The following MIOS variants were observed in gnomAD, a reference collection of about 807,000 sequenced individuals.
MIOS encodes the protein GATOR2 complex protein MIOS.
A neutral mutation model predicts 96.9 loss-of-function variants in MIOS; 52 were observed. The ratio of observed to expected loss-of-function variants is 0.54; its 90% CI spans 0.43 to 0.68. The LOEUF is 0.68. Ranked by LOEUF, MIOS falls within the 30% of genes least tolerant of loss-of-function variation. The pLI is 0.00. For synonymous variants in MIOS, 397 were observed against 359.5 expected, an observed-to-expected ratio of 1.10 and a Z score of -1.18; for missense variants, 1,005 against 1,052.8, an observed-to-expected ratio of 0.95 and a Z score of 0.63.
Position 7,597,513 on chromosome 7 carries a change from T to TAA in MIOS, c.2401+1053_2401+1054insAA, listed in dbSNP as rs1367820948. On this transcript the variant is annotated intron_variant, in intron 11 of 12. Coordinates refer to ENST00000340080, the MANE Select transcript of MIOS (RefSeq NM_019005.4). ...ATATATATATATATATATATATATA[T>TAA]ATATGAAGGCAATACGTAATGTTTT... Among the ~76,000 whole-genome samples, 8 of 26,636 alleles carry TAA rather than the reference T, an allele frequency of 3.0e-4. 2 individuals carry two copies. The highest frequency in any genetic ancestry group is 2.7e-3 in the East Asian group (2 of 748). The allele number at this position is 26,636 out of a possible 152,430, so 17.5% of individuals were successfully genotyped here. A position where few individuals can be genotyped will look rare whatever the true frequency, so the allele number is the denominator to read the frequency against.
In MIOS at chr7:7,589,468, T is replaced by G; in HGVS notation, c.1948T>G (p.Leu650Val). 1 of 1,613,724 alleles carries G rather than the reference T, an allele frequency of 6.2e-7. No individual in the cohort carries two copies. The highest frequency in any genetic ancestry group is 8.5e-7 in the Non-Finnish European group (1 of 1,179,760). The change falls in exon 9 of 13, where the codon TTG becomes GTG. Residue 650 changes from leucine to valine, a missense_variant. Coordinates refer to ENST00000340080, the MANE Select transcript of MIOS (RefSeq NM_019005.4). ...MKEAGNLEGI[L>V]LTGLTKDGVD... ...AGAGGCTGGAAATTTGGAAGGAATT[T>G]TGCTTACAGGCCTTACTAAAGATGG...
Position 7,588,657 on chromosome 7 carries a change from T to C in MIOS, c.1884+94T>C, listed in dbSNP as rs1583642694. 1.2e-5 allele frequency: 8 copies of C among 656,546 alleles called. No individual in the cohort carries two copies. The East Asian group carries it at 1.3e-4, about 11-fold the overall frequency. 40.7% of individuals were successfully genotyped at this position (656,546 alleles called of 1,614,324 possible). A position where few individuals can be genotyped will look rare whatever the true frequency, so the allele number is the denominator to read the frequency against. ...TCTTTATAATTACATATGTATGAGA[T>C]TGATAAGCTAATTCTTCTAAAAAGT... On this transcript the variant is annotated intron_variant, in intron 8 of 12. Coordinates refer to ENST00000340080, the MANE Select transcript of MIOS (RefSeq NM_019005.4).
Position 7,596,421 on chromosome 7 carries a change from T to G in MIOS, c.2361T>G (p.Leu787=), listed in dbSNP as rs753641062. 2.5e-6 allele frequency: 4 copies of G among 1,614,164 alleles called. No homozygotes were observed. The highest frequency in any genetic ancestry group is 3.4e-6 in the Non-Finnish European group (4 of 1,180,032). ...GAAAACCACTTCCTCGATGTGCGCT[T>G]TGTCTCATTAATATGGGAACACCAG... ...GCRKPLPRCA[L]CLINMGTPVS... The change falls in exon 11 of 13, where the codon CTT becomes CTG. Residue 787 remains leucine (L), a synonymous_variant. Transcript: ENST00000340080.
Position 7,573,793 on chromosome 7 carries a change from G to A in MIOS, c.1294+24G>A. ...CTATATCCTTTTCATTGTGAATTTT[G>A]TGAGGTGAATCAGGTAGAAATGTTC... On this transcript the variant is annotated intron_variant, in intron 4 of 12. Coordinates refer to ENST00000340080, the MANE Select transcript of MIOS (RefSeq NM_019005.4). The surrounding 1 kb of genome is among the most constrained non-coding windows in gnomAD (Gnocchi z 5.0). The A allele has an allele frequency of 6.5e-7, 1 of 1,540,706 alleles. No homozygotes were observed. Among genetic ancestry groups the A allele is most frequent in the South Asian group, 1.3e-5 (1 of 78,766 alleles).
rs576324274 is a variant in MIOS, at chr7:7,598,418, AGAAAT to A, written c.2401+1961_2401+1965del. Among the ~76,000 whole-genome samples the A allele has an allele frequency of 1.1e-3, 163 of 152,328 alleles. 2 individuals are homozygous for A. The highest frequency in any genetic ancestry group is 1.9e-3 in the Non-Finnish European group (130 of 68,024). ...TTTTCCATCTAGATGCTTTTTTTAAAGAAATGAAGAGAATATGTAATGTTTTAAAT... is the reference window on the plus strand; with the variant it reads ...TTTTCCATCTAGATGCTTTTTTTAAAGAAGAGAATATGTAATGTTTTAAAT... On this transcript the variant is annotated intron_variant, in intron 11 of 12. Transcript: ENST00000340080.
intron 11 of MIOS, 193 bp from the exon 12 acceptor site, chr7:7,605,749 T>G: frequency 2.1e-6 from 1 of 465,360 alleles, no homozygotes; most frequent in South Asian, 4.7e-5. Flanking sequence ...ATTTTTATAT[T>G]GGCTATTAAA....
chr7:7,568,400 C>G (rs772214877), intron 3 of MIOS, among the ~76,000 whole-genome samples: 1 of 152,062 alleles, frequency 6.6e-6, no homozygotes, highest in Non-Finnish European at 1.5e-5. Flanking sequence ...GGATTTCTGA[C>G]TCTAGATTGT....
intron 9 of MIOS, among the ~76,000 whole-genome samples, chr7:7,593,532 C>CT (rs1193877279): frequency 1.3e-5 from 2 of 152,062 alleles, no homozygotes; most frequent in Non-Finnish European, 2.9e-5. Context: ...GAAGTAGAGA[C>CT]TTTCTCTCCT....
rs926279726 is a variant in MIOS, at chr7:7,596,523, A to T, written c.2401+62A>T. The T allele has an allele frequency of 7.5e-6, 11 of 1,469,810 alleles. No individual in the cohort carries two copies. The African/African-American group carries it at 1.5e-4, about 20-fold the overall frequency. 91.0% of individuals were successfully genotyped at this position (1,469,810 alleles called of 1,614,324 possible). A position where few individuals can be genotyped will look rare whatever the true frequency, so the allele number is the denominator to read the frequency against. On this transcript the variant is annotated intron_variant, in intron 11 of 12. Coordinates refer to ENST00000340080, the MANE Select transcript of MIOS (RefSeq NM_019005.4). ...AAATGATTCTTACATAATTGAGTTA[A>T]TGTTGCAAATAAAATACAAACTAGC... is the stretch of plus-strand genomic sequence containing the variant.
intron 4 of MIOS, 21 bp from the exon 5 acceptor site, chr7:7,574,077 A>G (rs1783448048): frequency 3.9e-6 from 6 of 1,524,824 alleles, no homozygotes; most frequent in East Asian, 2.3e-5. Flanking sequence ...CATCACTAGT[A>G]TTTCCTATGC....
chr7:7,577,091 A>G (rs927873702), intron 5 of MIOS, among the ~76,000 whole-genome samples: 5 of 152,218 alleles, frequency 3.3e-5, no homozygotes, highest in African/African-American at 9.6e-5. Flanking sequence ...AATAAATGAT[A>G]TTTGATAGAG....
intron 5 of MIOS, among the ~76,000 whole-genome samples, chr7:7,579,379 C>A (rs35591002): frequency 0.1 from 15,297 of 152,214 alleles, 844 homozygotes; most frequent in Middle Eastern, 0.23. Context: ...TCTTTGAATT[C>A]ATTTTCAGTC....
rs982802488 is a variant in MIOS, at chr7:7,573,667, G to A, written c.1192G>A (p.Ala398Thr). 1.5e-5 allele frequency: 24 copies of A among 1,613,940 alleles called. No individual in the cohort carries two copies. Among genetic ancestry groups the A allele is most frequent in the Non-Finnish European group, 2.0e-5 (24 of 1,179,938 alleles). Residue 398 changes from alanine to threonine, a missense_variant, in exon 4 of 13, where the codon GCT becomes ACT. By Grantham distance (58) the Ala-to-Thr change is moderately conservative (BLOSUM62 0). Around this residue, in one of 3 missense-constraint regions of MIOS, gnomAD observed 865 missense variants for 887.9 expected, o/e 0.97. Coordinates refer to ENST00000340080, the MANE Select transcript of MIOS (RefSeq NM_019005.4). The surrounding 1 kb of genome is among the most constrained non-coding windows in gnomAD (Gnocchi z 5.0). ...KDIATKMRLR[A>T]LSRYGLDTEQ... ...TATAGCAACGAAGATGCGTCTTCGGGCTTTATCAAGGTATGGACTTGATAC... is the reference window on the plus strand; with the variant it reads ...TATAGCAACGAAGATGCGTCTTCGGACTTTATCAAGGTATGGACTTGATAC...
intron 5 of MIOS, among the ~76,000 whole-genome samples, chr7:7,580,520 A>G (rs1783677478): frequency 6.6e-6 from 1 of 152,226 alleles, no homozygotes; most frequent in Admixed American, 6.5e-5. Flanking sequence ...AATTTTACAA[A>G]TAACACATCT....
chr7:7,607,172 A>G lies in MIOS; in HGVS notation c.*80A>G, dbSNP rs1282938364. ...TTCATAGCTCAGAAACATACCTCAGAACAAGCCATTCATGACTTACCTGTA... is the reference window on the plus strand; with the variant it reads ...TTCATAGCTCAGAAACATACCTCAGGACAAGCCATTCATGACTTACCTGTA... On this transcript the variant is annotated 3_prime_UTR_variant, in exon 13 of 13. Coordinates refer to ENST00000340080, the MANE Select transcript of MIOS (RefSeq NM_019005.4). 1 of 1,067,972 alleles carries G rather than the reference A, an allele frequency of 9.4e-7. No homozygotes were observed. The highest frequency in any genetic ancestry group is 1.4e-6 in the Non-Finnish European group (1 of 722,544). The allele number at this position is 1,067,972 out of a possible 1,614,324, so 66.2% of individuals were successfully genotyped here.
Position 7,589,412 on chromosome 7 carries a change from G to C in MIOS, c.1892G>C (p.Arg631Thr). ...TCACTTTAAATTTTCCAGTTAAATA[G>C]ATACATCGAAAAGTTGACCAATGAA... ...CKFLSDTQLN[R>T]YIEKLTNEMK... The change falls in exon 9 of 13, where the codon AGA (arginine) becomes ACA (threonine). Residue 631 changes from arginine (R) to threonine (T), a missense_variant. Physicochemically the swap from Arg to Thr is moderately conservative, Grantham distance 71. This residue lies in a region of MIOS where 865 missense variants were observed against 887.9 expected (regional missense o/e 0.97). Transcript: ENST00000340080. 1 of 1,613,026 alleles carries C rather than the reference G, an allele frequency of 6.2e-7. No homozygotes were observed. Among genetic ancestry groups the C allele is most frequent in the Non-Finnish European group, 8.5e-7 (1 of 1,179,332 alleles).
At chr7:7,599,868 T>C (rs1014976202) in intron 11 of MIOS, among the ~76,000 whole-genome samples, 3 of 152,186 alleles carry the variant, frequency 2.0e-5, no homozygotes, top group African/African-American at 7.2e-5. Flanking sequence ...TGCAGCCATG[T>C]CTTTTGCAGC....
Position 7,607,259 on chromosome 7 carries a change from T to C in MIOS, c.*167T>C, listed in dbSNP as rs572665776. ...TGATGTTTGAGTGATTTTGATATGC[T>C]TCACAGAGACAAATGCTGCCAAAAT... On this transcript the variant is annotated 3_prime_UTR_variant, in exon 13 of 13. Coordinates refer to ENST00000340080, the MANE Select transcript of MIOS (RefSeq NM_019005.4). 11 of 530,708 alleles carry C rather than the reference T, an allele frequency of 2.1e-5. No homozygotes were observed. The highest frequency in any genetic ancestry group is 1.6e-4 in the African/African-American group (8 of 51,092). 32.9% of individuals were successfully genotyped at this position (530,708 alleles called of 1,614,324 possible).
rs779052645 is a variant in MIOS, at chr7:7,573,225, A to G, written c.750A>G (p.Ile250Met). The G allele has an allele frequency of 6.2e-7, 1 of 1,614,140 alleles. No homozygotes were observed. The highest frequency in any genetic ancestry group is 8.5e-7 in the Non-Finnish European group (1 of 1,180,000). Residue 250 changes from isoleucine (I) to methionine (M), a missense_variant, in exon 4 of 13, where the codon ATA becomes ATG. Ile to Met is a conservative substitution (Grantham distance 10). This residue lies in a region of MIOS where 865 missense variants were observed against 887.9 expected (regional missense o/e 0.97). Transcript: ENST00000340080. This position sits in a 1 kb window ranked among gnomAD's most constrained non-coding sequence, Gnocchi z 5.0. ...VASFYEGQVA[I>M]WDLRKFEKPV... ...CCTTCTATGAAGGTCAGGTTGCAAT[A>G]TGGGATCTTAGAAAATTTGAGAAGC...
Sources: gnomAD v4.1 joint callset for allele counts (sites outside exome capture counted in the v4.1 genomes callset) on GRCh38, gnomAD v4.1.1 for gene constraint, gnomAD v4.1.1 regional missense constraint, Gnocchi (gnomAD v3.1) non-coding constraint, MANE v1.5 for transcripts, NCBI Gene and HGNC (gene_info 2026-07-23, HGNC 2026-07-21) for gene names.